The following PLXNB2 variants were observed in gnomAD, a reference collection of about 807,000 sequenced individuals.
PLXNB2 encodes plexin-B2.
Under a neutral mutation model 202.6 loss-of-function variants are expected in PLXNB2, and 85 were observed. The observed-to-expected ratio is 0.42, with a 90% confidence interval of 0.35 to 0.50. The LOEUF is 0.50. Among genes scored for constraint, PLXNB2 ranks in the 20% least tolerant of loss-of-function variants. The probability of loss-of-function intolerance (pLI) is 0.02; values close to 1 mark genes in which losing one functional copy is unlikely to be tolerated. For missense variants in PLXNB2, 2,063 were observed against 2,586.2 expected, an observed-to-expected ratio of 0.80 and a Z score of 4.39; for synonymous variants, 1,239 against 1,137.6, an observed-to-expected ratio of 1.09 and a Z score of -1.79.
intron 18 of PLXNB2, 27 bp downstream of exon 18, chr22:50,282,684 A>AG: frequency 1.3e-6 from 2 of 1,524,652 alleles, no homozygotes; most frequent in South Asian, 1.2e-5. Context: ...TGGGGAGCAG[A>AG]GGGGGGCGGG....
chr22:50,296,380 CGA>C (rs1334223137), intron 1 of PLXNB2, among the ~76,000 whole-genome samples: 1 of 151,930 alleles, frequency 6.6e-6, no homozygotes, highest in Admixed American at 6.6e-5. Flanking sequence ...GGCAACAGAG[CGA>C]GACCCTGACT....
intron 35 of PLXNB2, 138 bp downstream of exon 35, chr22:50,276,491 G>T: frequency 1.4e-6 from 1 of 729,672 alleles, no homozygotes. Flanking sequence ...TCACATGGCC[G>T]AGCCCACCTC....
chr22:50,283,764 G>C lies in PLXNB2; in HGVS notation c.2422-14C>G, dbSNP rs1454135729. 3.7e-6 allele frequency: 6 copies of C among 1,613,006 alleles called. No homozygotes were observed. The Admixed American group carries it at 1.0e-4, about 27-fold the overall frequency. ...CTCAGGCTGGATCTGAAACCACAGA[G>C]CCGGGTGAGCAGGGAGGGGCTCATG... On this transcript the variant is annotated splice_polypyrimidine_tract_variant and intron_variant, in intron 14 of 36. Coordinates refer to ENST00000359337, the MANE Select transcript of PLXNB2 (RefSeq NM_012401.4).
intron 1 of PLXNB2, among the ~76,000 whole-genome samples, chr22:50,298,636 A>G (rs1379583530): frequency 6.6e-6 from 1 of 152,066 alleles, no homozygotes; most frequent in Non-Finnish European, 1.5e-5. Context: ...TTTCAAGCAA[A>G]CAGACTGGGC....
chr22:50,301,013 T>C (rs76879755), intron 1 of PLXNB2, among the ~76,000 whole-genome samples: 3,077 of 152,290 alleles, frequency 0.02, 52 homozygotes, highest in Admixed American at 0.032. Context: ...CTGCACCAAG[T>C]GCAGCCCCTG....
rs1159262768 is a variant in PLXNB2 at position 50,281,977 on chromosome 22, C to T, written c.3222G>A (p.Glu1074=). 2 of 1,613,122 alleles carry T rather than the reference C, an allele frequency of 1.2e-6. No individual in the cohort carries two copies. Among genetic ancestry groups the T allele is most frequent in the East Asian group, 4.5e-5 (2 of 44,888 alleles). The part of the protein sequence containing the change: ...PEAYNLTVLI[E]MDGHRALLRT... ...TGAGCAGGGCACGGTGCCCGTCCAT[C>T]TCGATCAGCACCGTGAGGTTGTAGG... is the stretch of plus-strand genomic sequence containing the variant. The change falls in exon 20 of 37, where the codon GAG becomes GAA. Residue 1074 remains glutamate, a synonymous_variant. Coordinates refer to ENST00000359337, the MANE Select transcript of PLXNB2 (RefSeq NM_012401.4).
At chr22:50,290,692 G>T in intron 2 of PLXNB2, 95 bp from the exon 3 acceptor site, 1 of 1,321,858 alleles carries the variant, frequency 7.6e-7, no homozygotes, top group Non-Finnish European at 1.0e-6. Flanking sequence ...GAACATGGGA[G>T]AGAGGGTCAC....
In PLXNB2 at chr22:50,289,655, G is replaced by T; in HGVS notation, c.930C>A (p.Gly310=). Residue 310 remains glycine, a synonymous_variant, in exon 3 of 37, where the codon GGC becomes GGA. Coordinates refer to ENST00000359337, the MANE Select transcript of PLXNB2 (RefSeq NM_012401.4). This position sits in a 1 kb window ranked among gnomAD's most constrained non-coding sequence, Gnocchi z 8.0. ...DSRSSGGPGA[G]LCLFPLDKVH... ...CCTTGTCCAGCGGGAACAGGCAGAGGCCCGCACCGGGCCCCCCACTGCTCC... is the reference window on the plus strand; with the variant it reads ...CCTTGTCCAGCGGGAACAGGCAGAGTCCCGCACCGGGCCCCCCACTGCTCC... The T allele has an allele frequency of 1.9e-6, 3 of 1,609,552 alleles. No homozygotes were observed. The highest frequency in any genetic ancestry group is 1.1e-5 in the South Asian group (1 of 91,088).
At position 50,280,523 on chromosome 22, in the gene PLXNB2, C is replaced by A. The variant is rs755621229; in HGVS notation, c.4141G>T (p.Val1381Leu). The A allele has an allele frequency of 5.0e-6, 8 of 1,611,144 alleles. No individual in the cohort carries two copies. Among genetic ancestry groups the A allele is most frequent in the East Asian group, 2.2e-5 (1 of 44,864 alleles). The change falls in exon 25 of 37, where the codon GTG becomes TTG. Residue 1381 changes from valine to leucine, a missense_variant. Physicochemically the swap from Val to Leu is conservative, Grantham distance 32. Coordinates refer to ENST00000359337, the MANE Select transcript of PLXNB2 (RefSeq NM_012401.4). ...ATCAGCTTGGGGTTCTTGGCCACCA[C>A]GTACTGCTCCAGGAGCTCCAGGAAG... ...TLFLELLEQY[V>L]VAKNPKLMLR...
At position 50,288,474 on chromosome 22, in the gene PLXNB2, C is replaced by A. The variant is rs984073997; in HGVS notation, c.1380+269G>T. ...CCAACCCAGGTCCCTTCCATCAGGACAGGGCAGAGGCGGGGCCAGAGGGAG... is the reference window on the plus strand; with the variant it reads ...CCAACCCAGGTCCCTTCCATCAGGAAAGGGCAGAGGCGGGGCCAGAGGGAG... On this transcript the variant is annotated intron_variant, in intron 5 of 36. Coordinates refer to ENST00000359337, the MANE Select transcript of PLXNB2 (RefSeq NM_012401.4). The surrounding 1 kb of genome is among the most constrained non-coding windows in gnomAD (Gnocchi z 5.0). 6.6e-6 allele frequency among the ~76,000 whole-genome samples: 1 copy of A among 152,158 alleles called. No homozygotes were observed.
At chr22:50,277,812 C>G (rs760841761) in intron 32 of PLXNB2, 41 bp downstream of exon 32, 1 of 1,598,146 alleles carries the variant, frequency 6.3e-7, no homozygotes, top group East Asian at 2.2e-5. Flanking sequence ...AAGTGAGAGG[C>G]GGAGCCGGGG....
intron 1 of PLXNB2, among the ~76,000 whole-genome samples, chr22:50,299,918 C>T (rs2067565379): frequency 1.3e-5 from 2 of 152,158 alleles, no homozygotes; most frequent in Admixed American, 1.3e-4. Context: ...AGCCCCTCCC[C>T]CGGCGCCGGC....
intron 33 of PLXNB2, 117 bp from the exon 34 acceptor site, chr22:50,277,023 T>C: frequency 1.4e-6 from 1 of 736,992 alleles, no homozygotes; most frequent in South Asian, 1.6e-5. Context: ...AAGAAAACTA[T>C]GGGCCGGGCG....
rs1269962777 is a variant in PLXNB2 at position 50,288,823 on chromosome 22, C to G, written c.1300G>C (p.Val434Leu). Reference sequence around the variant, plus strand: ...CGCTTGACTCTCTTGTTTATCTCCACAAGGATAGAGTCGTACTCTGAGGAG... The same window carrying G: ...CGCTTGACTCTCTTGTTTATCTCCAGAAGGATAGAGTCGTACTCTGAGGAG... ...GTSSEYDSIL[V>L]EINKRVKRDL... is the part of the protein sequence containing the mutation. The change falls in exon 5 of 37, where the codon GTG (valine) becomes CTG (leucine). Residue 434 changes from valine to leucine, a missense_variant. This residue lies in a region of PLXNB2 where 1,303 missense variants were observed against 1,476.8 expected (regional missense o/e 0.88). Transcript: ENST00000359337. This position sits in a 1 kb window ranked among gnomAD's most constrained non-coding sequence, Gnocchi z 5.0. 6.2e-7 allele frequency: 1 copy of G among 1,613,418 alleles called. No individual in the cohort carries two copies. Among genetic ancestry groups the G allele is most frequent in the Admixed American group, 1.7e-5 (1 of 60,026 alleles).
intron 2 of PLXNB2, among the ~76,000 whole-genome samples, chr22:50,292,955 C>T (rs1284663858): frequency 7.8e-6 from 1 of 128,502 alleles, no homozygotes; most frequent in Admixed American, 7.0e-5. Context: ...CAGCTGCTGC[C>T]CAACCCCTGG....
At chr22:50,281,806 G>T in intron 20 of PLXNB2, 48 bp downstream of exon 20, 1 of 1,586,438 alleles carries the variant, frequency 6.3e-7, no homozygotes. Context: ...CCAGCTCTCA[G>T]CCCAGACCCG....
Position 50,289,485 on chromosome 22 carries a change from C to G in PLXNB2, c.1068+32G>C, listed in dbSNP as rs554383739. The G allele has an allele frequency of 6.4e-7, 1 of 1,561,282 alleles. No homozygotes were observed. Among genetic ancestry groups the G allele is most frequent in the South Asian group, 1.2e-5 (1 of 86,448 alleles). ...AACCCACGAACGGACGCCTGCAGTC[C>G]GGGCCCTGCGAGAACACACTGAGGC... On this transcript the variant is annotated intron_variant, in intron 3 of 36. Transcript: ENST00000359337. This position sits in a 1 kb window ranked among gnomAD's most constrained non-coding sequence, Gnocchi z 8.0.
Position 50,281,711 on chromosome 22 carries a change from T to G in PLXNB2, c.3377A>C (p.Gln1126Pro), listed in dbSNP as rs778521030. 1.0e-5 allele frequency: 16 copies of G among 1,561,948 alleles called. No homozygotes were observed. The highest frequency in any genetic ancestry group is 8.1e-5 in the African/African-American group (6 of 73,684). ...GGCACCCACGAAGGCCTCGGCCTCC[T>G]GCAGCGTCATCGCCTTGTTCAGATT... is the stretch of plus-strand genomic sequence containing the variant. ...GTNLNKAMTL[Q>P]EAEAFVGAER... Residue 1126 changes from glutamine (Q) to proline (P), a missense_variant, in exon 21 of 37, where the codon CAG becomes CCG. Physicochemically the swap from Gln to Pro is moderately conservative, Grantham distance 76. Around this residue, in one of 2 missense-constraint regions of PLXNB2, gnomAD observed 760 missense variants for 1,109.4 expected, o/e 0.69. Coordinates refer to ENST00000359337, the MANE Select transcript of PLXNB2 (RefSeq NM_012401.4).
rs1435614645 is a variant in PLXNB2, at chr22:50,289,683, C to T, written c.902G>A (p.Ser301Asn). 1.2e-6 allele frequency: 2 copies of T among 1,610,344 alleles called. No individual in the cohort carries two copies. Among genetic ancestry groups the T allele is most frequent in the Non-Finnish European group, 8.5e-7 (1 of 1,179,854 alleles). ...CGCACCGGGCCCCCCACTGCTCCGG[C>T]TGTCTCTGCTGAAGACAGCATATAG... ...RVLYAVFSRD[S>N]RSSGGPGAGL... Residue 301 changes from serine (S) to asparagine (N), a missense_variant, in exon 3 of 37, where the codon AGC becomes AAC. Transcript: ENST00000359337. This position sits in a 1 kb window ranked among gnomAD's most constrained non-coding sequence, Gnocchi z 8.0.
Sources: allele counts gnomAD v4.1 joint callset (sites outside exome capture counted in the v4.1 genomes callset), GRCh38; gene constraint gnomAD v4.1.1; regional missense constraint gnomAD v4.1.1; non-coding constraint Gnocchi (gnomAD v3.1); transcripts MANE v1.5; gene names NCBI Gene and HGNC (gene_info 2026-07-23, HGNC 2026-07-21).